The following STPG2 variants were observed in gnomAD, a reference collection of about 807,000 sequenced individuals.
STPG2 encodes the protein sperm-tail PG-rich repeat-containing protein 2.
Under a neutral mutation model 54.2 loss-of-function variants are expected in STPG2, and 56 were observed. That is an observed-to-expected ratio of 1.03 (90% CI 0.83 to 1.29). The LOEUF (loss-of-function observed/expected upper bound fraction) is 1.29. Ranked by LOEUF, STPG2 falls within the 50% of genes most tolerant of loss-of-function variation. The pLI, the probability that STPG2 is intolerant of heterozygous loss-of-function variation, is 0.00. For synonymous variants in STPG2, 200 were observed against 181.8 expected, an observed-to-expected ratio of 1.10 and a Z score of -0.81; for missense variants, 596 against 544.9, an observed-to-expected ratio of 1.09 and a Z score of -0.93.
At chr4:97,948,368 C>G (rs954434789) in intron 7 of STPG2, among the ~76,000 whole-genome samples, 1 of 151,920 alleles carries the variant, frequency 6.6e-6, no homozygotes, top group Non-Finnish European at 1.5e-5. Context: ...TTCAAGGAAC[C>G]AACTTTTTGT....
intron 10 of STPG2, among the ~76,000 whole-genome samples, chr4:97,613,545 G>A (rs1212229920): frequency 6.7e-6 from 1 of 150,182 alleles, no homozygotes; most frequent in African/African-American, 2.4e-5. Flanking sequence ...TGTGTATTAG[G>A]GAATGGGGGG....
intron 8 of STPG2, among the ~76,000 whole-genome samples, chr4:97,848,944 G>A (rs560483859): frequency 2.7e-5 from 4 of 149,648 alleles, no homozygotes; most frequent in East Asian, 3.9e-4. Flanking sequence ...GATGCCTCCA[G>A]CTTTGTTCTT....
At chr4:98,101,191 C>G (rs1268157914) in intron 5 of STPG2, among the ~76,000 whole-genome samples, 1 of 152,132 alleles carries the variant, frequency 6.6e-6, no homozygotes, top group Non-Finnish European at 1.5e-5. Context: ...ATTCTCATTT[C>G]TGTTCAGCTG....
chr4:97,718,921 A>T (rs1724369314), intron 9 of STPG2, among the ~76,000 whole-genome samples: 1 of 151,998 alleles, frequency 6.6e-6, no homozygotes, highest in Non-Finnish European at 1.5e-5. Flanking sequence ...TTCCTAATCC[A>T]AAAATCTGAA....
At chr4:98,109,813 T>G (rs1739293886) in intron 3 of STPG2, among the ~76,000 whole-genome samples, 1 of 152,152 alleles carries the variant, frequency 6.6e-6, no homozygotes, top group Non-Finnish European at 1.5e-5. Flanking sequence ...TAGTTCATTT[T>G]ATTGCTAATG....
chr4:97,962,140 A>G (rs771359388), intron 7 of STPG2, among the ~76,000 whole-genome samples: 2 of 152,216 alleles, frequency 1.3e-5, no homozygotes, highest in Non-Finnish European at 2.9e-5. Context: ...TCTCATTCAT[A>G]TGTGAGACCT....
At chr4:98,069,178 C>T (rs1330130381) in intron 5 of STPG2, among the ~76,000 whole-genome samples, 1 of 151,980 alleles carries the variant, frequency 6.6e-6, no homozygotes, top group Non-Finnish European at 1.5e-5. Context: ...CTGTAAAACA[C>T]TTGCACTGTA....
At chr4:98,054,660 T>C (rs925142242) in intron 5 of STPG2, among the ~76,000 whole-genome samples, 1 of 152,074 alleles carries the variant, frequency 6.6e-6, no homozygotes, top group Non-Finnish European at 1.5e-5. Context: ...ATCCAGAAAG[T>C]TTGTTATTGA....
rs374592075 is a variant in STPG2, at chr4:97,840,172, GA to G, written c.1204+600del. ...TAATATAGCTTCTTTCTTTATATTT[GA>G]AAAAAAATAAAAATAATTCTGTACA... On this transcript the variant is annotated intron_variant, in intron 9 of 10. Coordinates refer to ENST00000295268, the MANE Select transcript of STPG2 (RefSeq NM_174952.3). Among the ~76,000 whole-genome samples the G allele has an allele frequency of 4.3e-3, 648 of 150,530 alleles. 3 individuals are homozygous for G. The highest frequency in any genetic ancestry group is 0.024 in the South Asian group (117 of 4,778).
chr4:97,952,574 C>T (rs1733513393), intron 7 of STPG2, among the ~76,000 whole-genome samples: 1 of 152,158 alleles, frequency 6.6e-6, no homozygotes, highest in African/African-American at 2.4e-5. Flanking sequence ...GGAGTTGCCA[C>T]ACTCCAGGTT....
intron 5 of STPG2, among the ~76,000 whole-genome samples, chr4:98,033,280 C>T (rs1272394312): frequency 4.0e-5 from 6 of 151,802 alleles, no homozygotes; most frequent in Non-Finnish European, 7.4e-5. Flanking sequence ...ATATCACCAC[C>T]AATCCCACAG....
rs769748356 is a variant in STPG2, at chr4:98,020,140, G to T, written c.613-38822C>A. ...TCCAGTTTTTGCCCATTCAGTATGA[G>T]ATTGGCTGTGGGTTTGTCATAGATA... On this transcript the variant is annotated intron_variant, in intron 5 of 10. Transcript: ENST00000295268. Among the ~76,000 whole-genome samples, 143 of 129,556 alleles carry T rather than the reference G, an allele frequency of 1.1e-3. 3 individuals are homozygous for T. The highest frequency in any genetic ancestry group is 4.1e-3 in the African/African-American group (135 of 32,888). The allele number at this position is 129,556 out of a possible 152,430, so 85.0% of individuals were successfully genotyped here.
At chr4:97,737,121 C>A (rs1191660365) in intron 9 of STPG2, among the ~76,000 whole-genome samples, 9 of 152,192 alleles carry the variant, frequency 5.9e-5, no homozygotes, top group Non-Finnish European at 1.0e-4. Context: ...GGACCTCTAG[C>A]AAACTCCAAC....
chr4:97,735,802 G>T (rs928530537), intron 9 of STPG2, among the ~76,000 whole-genome samples: 3 of 151,764 alleles, frequency 2.0e-5, no homozygotes, highest in Admixed American at 2.0e-4. Context: ...TATAGACACA[G>T]GGTTAATGTC....
intron 8 of STPG2, among the ~76,000 whole-genome samples, chr4:97,912,886 C>A (rs1731733102): frequency 6.6e-6 from 1 of 152,054 alleles, no homozygotes; most frequent in South Asian, 2.1e-4. Flanking sequence ...ATAATTTTGA[C>A]CTACCATAAA....
At chr4:98,035,921 G>A (rs1252771618) in intron 5 of STPG2, among the ~76,000 whole-genome samples, 3 of 151,612 alleles carry the variant, frequency 2.0e-5, no homozygotes, top group Non-Finnish European at 4.4e-5. Flanking sequence ...ACAGGGAGGG[G>A]AACATCACAC....
chr4:97,871,919 T>C (rs1477557021), intron 8 of STPG2, among the ~76,000 whole-genome samples: 3 of 151,072 alleles, frequency 2.0e-5, no homozygotes, highest in Non-Finnish European at 4.5e-5. Context: ...CAGAATTCAA[T>C]ACAACATTAA....
intron 6 of STPG2, among the ~76,000 whole-genome samples, chr4:97,978,431 T>C (rs1734564352): frequency 1.3e-5 from 2 of 152,090 alleles, no homozygotes; most frequent in African/African-American, 2.4e-5. Flanking sequence ...ATACCACATG[T>C]TTGCACTTAT....
At chr4:97,650,046 G>A (rs1027928680) in intron 10 of STPG2, among the ~76,000 whole-genome samples, 38 of 152,136 alleles carry the variant, frequency 2.5e-4, no homozygotes, top group African/African-American at 8.9e-4. Context: ...TAAGGAGCAC[G>A]CAACCCAGAT....
Sources: allele counts gnomAD v4.1 joint callset (sites outside exome capture counted in the v4.1 genomes callset), GRCh38; gene constraint gnomAD v4.1.1; transcripts MANE v1.5; gene names NCBI Gene and HGNC (gene_info 2026-07-23, HGNC 2026-07-21).